CCDC170: variants seen among roughly 807,000 people sequenced by gnomAD.
The protein encoded by CCDC170 is coiled-coil domain containing 170.
CCDC170 carries 69 observed loss-of-function variants against 72.6 expected under a neutral mutation model. The ratio of observed to expected loss-of-function variants is 0.95; its 90% CI spans 0.78 to 1.16. The LOEUF (loss-of-function observed/expected upper bound fraction) is 1.16. CCDC170 is among the 50% of genes most tolerant of loss of function. CCDC170 has a pLI of 0.00. For synonymous variants in CCDC170, 300 were observed against 303.9 expected, an observed-to-expected ratio of 0.99 and a Z score of 0.13; for missense variants, 852 against 832.5, an observed-to-expected ratio of 1.02 and a Z score of -0.29.
Position 151,517,483 on chromosome 6 carries a change from C to T in CCDC170, c.58-18835C>T, listed in dbSNP as rs969911514. ...GAGTCCTGCACTGTCACCCAGGCTG[C>T]GTGCAGTGGCACAATCTCGGCTCAC... On this transcript the variant is annotated intron_variant, in intron 1 of 10. Transcript: ENST00000239374. Among the ~76,000 whole-genome samples, 7 of 148,800 alleles carry T rather than the reference C, an allele frequency of 4.7e-5. No individual in the cohort carries two copies. In the East Asian group the frequency reaches 6.0e-4, roughly 13 times the overall value.
Position 151,620,186 on chromosome 6 carries a change from T to C in CCDC170, c.*2039T>C, listed in dbSNP as rs569041897. On this transcript the variant is annotated 3_prime_UTR_variant, in exon 11 of 11. Transcript: ENST00000239374. ...CTACCAATAAATGTAGAATGGATGA[T>C]TCCAAAAAAAAAAAAAAAAAGAAGA... is the stretch of plus-strand genomic sequence containing the variant. The C allele has an allele frequency of 4.0e-5, 2 of 49,642 alleles. No individual in the cohort carries two copies. Among genetic ancestry groups the C allele is most frequent in the African/African-American group, 2.3e-4 (2 of 8,582 alleles). The allele number at this position is 49,642 out of a possible 1,614,324, so 3.1% of individuals were successfully genotyped here.
chr6:151,565,116 C>G (rs1249415532), intron 5 of CCDC170, among the ~76,000 whole-genome samples: 2 of 152,096 alleles, frequency 1.3e-5, no homozygotes, highest in East Asian at 3.9e-4. Flanking sequence ...AGTGGCTTGG[C>G]TTTGGCCCTG....
At chr6:151,585,797 A>T in intron 6 of CCDC170, 92 bp from the exon 7 acceptor site, 1 of 1,137,138 alleles carries the variant, frequency 8.8e-7, no homozygotes, top group Non-Finnish European at 1.2e-6. Context: ...TTGGTATCAT[A>T]AACAGTTATG....
At chr6:151,608,969 G>C (rs1351426236) in intron 9 of CCDC170, among the ~76,000 whole-genome samples, 1 of 152,148 alleles carries the variant, frequency 6.6e-6, no homozygotes, top group Non-Finnish European at 1.5e-5. Flanking sequence ...GACTGTTAGG[G>C]ATCTCCCACT....
At chr6:151,504,080 T>C (rs1434413851) in intron 1 of CCDC170, among the ~76,000 whole-genome samples, 2 of 152,206 alleles carry the variant, frequency 1.3e-5, no homozygotes, top group East Asian at 1.9e-4. Flanking sequence ...AAGAGGAATG[T>C]CCTTGTTCTT....
intron 5 of CCDC170, among the ~76,000 whole-genome samples, chr6:151,572,649 G>GTTTTTTTTTTTTTGTT (rs1776235119): frequency 5.3e-5 from 2 of 37,986 alleles, no homozygotes; most frequent in Non-Finnish European, 9.7e-5. Flanking sequence ...CCTTCTCTGT[G>GTTTTTTTTTTTTTGTT]TTTTTTTTTT....
chr6:151,566,026 G>A (rs1407883352), intron 5 of CCDC170, among the ~76,000 whole-genome samples: 4 of 152,204 alleles, frequency 2.6e-5, no homozygotes, highest in African/African-American at 9.7e-5. Context: ...CAGGGCTGTA[G>A]TGAAGCCCAG....
intron 1 of CCDC170, among the ~76,000 whole-genome samples, chr6:151,501,183 C>T (rs535170729): frequency 4.8e-4 from 73 of 152,028 alleles, no homozygotes; most frequent in Admixed American, 3.5e-3. Context: ...TATGAGCAAA[C>T]GTTAGACAAA....
At chr6:151,517,891 C>T (rs79141006) in intron 1 of CCDC170, among the ~76,000 whole-genome samples, 12,968 of 151,884 alleles carry the variant, frequency 0.085, 658 homozygotes, top group Middle Eastern at 0.17. Flanking sequence ...TTTTTCCCTC[C>T]TTTAATTTTT....
intron 9 of CCDC170, among the ~76,000 whole-genome samples, chr6:151,607,073 G>A (rs528683139): frequency 6.6e-6 from 1 of 152,072 alleles, no homozygotes; most frequent in Non-Finnish European, 1.5e-5. Context: ...TAATTGGAGA[G>A]CTTAGACCAT....
rs1483473821 is a variant in CCDC170 at position 151,619,238 on chromosome 6, A to G, written c.*1091A>G. ...CTGGTCTCAGTCCTTTAAAATGGAA[A>G]GCTTTATTTGGAGCCCAACCCTATA... On this transcript the variant is annotated 3_prime_UTR_variant, in exon 11 of 11. Coordinates refer to ENST00000239374, the MANE Select transcript of CCDC170 (RefSeq NM_025059.4). The G allele has an allele frequency of 6.6e-6, 1 of 152,102 alleles. No homozygotes were observed. Among genetic ancestry groups the G allele is most frequent in the African/African-American group, 2.4e-5 (1 of 41,426 alleles). The allele number at this position is 152,102 out of a possible 1,614,324, so 9.4% of individuals were successfully genotyped here.
At chr6:151,583,087 G>A (rs1364256449) in intron 6 of CCDC170, among the ~76,000 whole-genome samples, 2 of 149,296 alleles carry the variant, frequency 1.3e-5, no homozygotes, top group East Asian at 2.0e-4. Flanking sequence ...CTGCCTCCCG[G>A]GTTAAAGTGA....
intron 6 of CCDC170, among the ~76,000 whole-genome samples, chr6:151,579,666 A>G (rs1165995882): frequency 1.3e-5 from 2 of 152,174 alleles, no homozygotes; most frequent in African/African-American, 4.8e-5. Context: ...TGTTCTTCCT[A>G]GAAAGACTTC....
rs1374826274 is a variant in CCDC170 at position 151,554,881 on chromosome 6, T to TG, written c.774+6392_774+6393insG. Among the ~76,000 whole-genome samples, 1,298 of 141,252 alleles carry TG rather than the reference T, an allele frequency of 9.2e-3. 16 individuals carry two copies. Among genetic ancestry groups the TG allele is most frequent in the African/African-American group, 0.033 (1,247 of 37,306 alleles). 92.7% of individuals were successfully genotyped at this position (141,252 alleles called of 152,430 possible). A position where few individuals can be genotyped will look rare whatever the true frequency, so the allele number is the denominator to read the frequency against. On this transcript the variant is annotated intron_variant, in intron 5 of 10. Coordinates refer to ENST00000239374, the MANE Select transcript of CCDC170 (RefSeq NM_025059.4). ...ATCTTTTTGGACCTCAGTTTTTTTT[T>TG]TTTTTTTTTTTTTGTGAGACAGAGT...
At chr6:151,495,925 G>T (rs185877054) in intron 1 of CCDC170, among the ~76,000 whole-genome samples, 1 of 152,172 alleles carries the variant, frequency 6.6e-6, no homozygotes, top group African/African-American at 2.4e-5. Flanking sequence ...TAATATACAC[G>T]ACCTACTAAA....
intron 1 of CCDC170, among the ~76,000 whole-genome samples, chr6:151,534,159 G>T (rs922412923): frequency 2.6e-5 from 4 of 151,246 alleles, no homozygotes; most frequent in African/African-American, 7.3e-5. Flanking sequence ...GACCTCCTGG[G>T]ACTCAAGCCT....
At chr6:151,527,949 G>T (rs1782436796) in intron 1 of CCDC170, among the ~76,000 whole-genome samples, 2 of 152,092 alleles carry the variant, frequency 1.3e-5, no homozygotes, top group Admixed American at 6.6e-5. Flanking sequence ...TAGCAAGACT[G>T]GCCCAAGACA....
intron 6 of CCDC170, among the ~76,000 whole-genome samples, chr6:151,577,686 C>T (rs1260427329): frequency 1.3e-5 from 2 of 152,212 alleles, no homozygotes; most frequent in Admixed American, 6.5e-5. Context: ...CGCACCCGCA[C>T]CAGTGCCTGG....
intron 7 of CCDC170, among the ~76,000 whole-genome samples, chr6:151,590,652 T>C (rs1311568762): frequency 6.6e-6 from 1 of 152,232 alleles, no homozygotes; most frequent in Non-Finnish European, 1.5e-5. Context: ...TATACAGTAA[T>C]CCTTCATTTC....
Sources: allele counts gnomAD v4.1 joint callset (sites outside exome capture counted in the v4.1 genomes callset), GRCh38; gene constraint gnomAD v4.1.1; transcripts MANE v1.5; gene names NCBI Gene and HGNC (gene_info 2026-07-23, HGNC 2026-07-21).